Variants in KLHDC4 observed in about 807,000 individuals in gnomAD.
KLHDC4 encodes kelch domain containing 4, also known as kelch domain-containing protein 4.
Under a neutral mutation model 62.4 loss-of-function variants are expected in KLHDC4, and 90 were observed. That is an observed-to-expected ratio of 1.44 (90% CI 1.22 to 1.72). The LOEUF (loss-of-function observed/expected upper bound fraction) is 1.72. Among genes scored for constraint, KLHDC4 ranks in the 40% most tolerant of loss-of-function variants. The pLI is 0.00. For missense variants in KLHDC4, 1,025 were observed against 699.7 expected, an observed-to-expected ratio of 1.47 and a Z score of -5.25; for synonymous variants, 386 against 284.4, an observed-to-expected ratio of 1.36 and a Z score of -3.59.
chr16:87,756,808 T>G (rs1253434907), intron 2 of KLHDC4, among the ~76,000 whole-genome samples: 1 of 152,050 alleles, frequency 6.6e-6, no homozygotes, highest in South Asian at 2.1e-4. Flanking sequence ...AACTGTTTTT[T>G]TGATTTGTTT....
chr16:87,730,009 A>C (rs903691764), intron 6 of KLHDC4, among the ~76,000 whole-genome samples: 4 of 152,200 alleles, frequency 2.6e-5, no homozygotes, highest in Non-Finnish European at 5.9e-5. Flanking sequence ...GCTGGAGTTC[A>C]GTGGCATGAT....
chr16:87,761,596 A>G (rs984449359), intron 2 of KLHDC4, among the ~76,000 whole-genome samples: 6 of 152,274 alleles, frequency 3.9e-5, no homozygotes, highest in Non-Finnish European at 8.8e-5. Context: ...AAAAGGCCAC[A>G]GTGATTTTCA....
At chr16:87,737,732 T>C (rs2143010564) in intron 5 of KLHDC4, among the ~76,000 whole-genome samples, 1 of 152,074 alleles carries the variant, frequency 6.6e-6, no homozygotes, top group East Asian at 1.9e-4. Context: ...CAATTACAGG[T>C]GCCCACCATC....
intron 5 of KLHDC4, among the ~76,000 whole-genome samples, chr16:87,732,858 G>C (rs1235339821): frequency 2.7e-5 from 4 of 148,948 alleles, no homozygotes; most frequent in African/African-American, 7.5e-5. Context: ...AGCTTCTACA[G>C]GTGAAAAGGC....
intron 7 of KLHDC4, among the ~76,000 whole-genome samples, chr16:87,718,497 G>C (rs1361888897): frequency 6.6e-6 from 1 of 151,634 alleles, no homozygotes; most frequent in Non-Finnish European, 1.5e-5. Flanking sequence ...AGCCTGCTGA[G>C]TGCCTGGGAT....
chr16:87,754,982 A>T (rs2044634697), intron 4 of KLHDC4, among the ~76,000 whole-genome samples: 1 of 152,130 alleles, frequency 6.6e-6, no homozygotes, highest in Non-Finnish European at 1.5e-5. Context: ...ATTTCATGTG[A>T]TCCTCATGCC....
At chr16:87,759,260 T>A (rs1363605430) in intron 2 of KLHDC4, among the ~76,000 whole-genome samples, 1 of 151,684 alleles carries the variant, frequency 6.6e-6, no homozygotes, top group African/African-American at 2.4e-5. Context: ...TTAGGTCGGG[T>A]GCAGTGGCTC....
chr16:87,726,935 G>A lies in KLHDC4; in HGVS notation c.600-11C>T, dbSNP rs190773223. ...TAGTAGATGTAATCCCTGGTTAGAA[G>A]AACAGCAGCTGTCAGGGTCCGTAAC... On this transcript the variant is annotated splice_polypyrimidine_tract_variant and intron_variant, in intron 6 of 11. Coordinates refer to ENST00000270583, the MANE Select transcript of KLHDC4 (RefSeq NM_017566.4). The A allele has an allele frequency of 3.1e-6, 5 of 1,613,460 alleles. No individual in the cohort carries two copies. In the East Asian group the frequency reaches 6.7e-5, roughly 22 times the overall value.
intron 5 of KLHDC4, among the ~76,000 whole-genome samples, chr16:87,747,269 C>T (rs1567790678): frequency 6.6e-6 from 1 of 152,136 alleles, no homozygotes; most frequent in Non-Finnish European, 1.5e-5. Context: ...ACTTCACTCT[C>T]CTCACCTGTC....
At chr16:87,718,799 C>T (rs1386657738) in intron 7 of KLHDC4, among the ~76,000 whole-genome samples, 1 of 151,886 alleles carries the variant, frequency 6.6e-6, no homozygotes, top group Non-Finnish European at 1.5e-5. Flanking sequence ...TGACCGGCCG[C>T]CCATCGTCTG....
chr16:87,765,637 C>T (rs1231135942), intron 1 of KLHDC4, among the ~76,000 whole-genome samples, 155 bp downstream of exon 1: 1 of 152,110 alleles, frequency 6.6e-6, no homozygotes, highest in African/African-American at 2.4e-5. Context: ...CTGGGCTGCC[C>T]GGACGCGGCG....
intron 5 of KLHDC4, among the ~76,000 whole-genome samples, chr16:87,736,852 C>T (rs111634323): frequency 1.3e-4 from 20 of 152,182 alleles, no homozygotes; most frequent in Admixed American, 5.9e-4. Flanking sequence ...CGGCCGGGCG[C>T]GGTGGCTCAC....
At chr16:87,733,076 TCGGTGAAAAGGCAGGTGCAAAGCAAATC>T (rs2040672855) in intron 5 of KLHDC4, among the ~76,000 whole-genome samples, 1 of 136,670 alleles carries the variant, frequency 7.3e-6, no homozygotes, top group Admixed American at 7.3e-5. Context: ...CCAGCTTTTA[TCGGTGAAAAGGCAGGTGCAAAGCAAATC>T]CTATCCCAGC....
intron 5 of KLHDC4, among the ~76,000 whole-genome samples, chr16:87,736,998 A>G (rs563659259): frequency 6.8e-6 from 1 of 147,528 alleles, no homozygotes; most frequent in South Asian, 2.2e-4. Context: ...GGTGGTAGGC[A>G]CCTGTAATCC....
rs1381480180 is a variant in KLHDC4, at chr16:87,711,275, T to C, written c.1004A>G (p.Tyr335Cys). 10 of 1,614,014 alleles carry C rather than the reference T, an allele frequency of 6.2e-6. No individual in the cohort carries two copies. Among genetic ancestry groups the C allele is most frequent in the South Asian group, 3.3e-5 (3 of 91,084 alleles). ...AAACCAACGGTTCCTGGTGGCGTCG[T>C]AGAAGTACAGATCGTTGAAGAACTC... Reference protein sequence around the residue: ...SGEFFNDLYFYDATRNRWFEG... With the variant: ...SGEFFNDLYFCDATRNRWFEG... The change falls in exon 9 of 12, where the codon TAC becomes TGC. Residue 335 changes from tyrosine to cysteine, a missense_variant. Coordinates refer to ENST00000270583, the MANE Select transcript of KLHDC4 (RefSeq NM_017566.4).
In KLHDC4 at chr16:87,765,970, G is replaced by A; in HGVS notation, c.-80C>T. 1 of 1,355,338 alleles carries A rather than the reference G, an allele frequency of 7.4e-7. No individual in the cohort carries two copies. The highest frequency in any genetic ancestry group is 1.3e-5 in the South Asian group (1 of 79,320). 84.0% of individuals were successfully genotyped at this position (1,355,338 alleles called of 1,614,324 possible). A position where few individuals can be genotyped will look rare whatever the true frequency, so the allele number is the denominator to read the frequency against. Reference sequence around the variant, plus strand: ...TCCGCTCGGAAACAGGTGCTCGTGGGGCGGAGCTCGGCGCACAGAAATGGA... The same window carrying A: ...TCCGCTCGGAAACAGGTGCTCGTGGAGCGGAGCTCGGCGCACAGAAATGGA... On this transcript the variant is annotated 5_prime_UTR_variant, in exon 1 of 12. Coordinates refer to ENST00000270583, the MANE Select transcript of KLHDC4 (RefSeq NM_017566.4).
At chr16:87,737,054 G>C (rs949271948) in intron 5 of KLHDC4, among the ~76,000 whole-genome samples, 2 of 140,170 alleles carry the variant, frequency 1.4e-5, no homozygotes, top group South Asian at 4.6e-4. Flanking sequence ...GAACTCAGGA[G>C]GCAGAGGCTG....
At chr16:87,735,127 G>A (rs771393670) in intron 5 of KLHDC4, among the ~76,000 whole-genome samples, 10 of 150,282 alleles carry the variant, frequency 6.7e-5, no homozygotes, top group African/African-American at 1.7e-4. Context: ...CTGAAACCCC[G>A]TCTCTACTAA....
intron 8 of KLHDC4, 38 bp from the exon 9 acceptor site, chr16:87,711,481 A>G: frequency 6.4e-7 from 1 of 1,560,206 alleles, no homozygotes; most frequent in African/African-American, 1.4e-5. Flanking sequence ...TAAGAACACA[A>G]GGAAGGACCC....
Sources: allele counts gnomAD v4.1 joint callset (sites outside exome capture counted in the v4.1 genomes callset), GRCh38; gene constraint gnomAD v4.1.1; transcripts MANE v1.5; gene names NCBI Gene and HGNC (gene_info 2026-07-23, HGNC 2026-07-21).